MAPRE3: variants seen among roughly 807,000 people sequenced by gnomAD.
MAPRE3 encodes the protein microtubule-associated protein RP/EB family member 3.
A neutral mutation model predicts 30.5 loss-of-function variants in MAPRE3; 2 were observed. The ratio of observed to expected loss-of-function variants is 0.07; its 90% CI spans 0.03 to 0.21. The LOEUF is 0.21. Among genes scored for constraint, MAPRE3 ranks in the 10% least tolerant of loss-of-function variants. The probability of loss-of-function intolerance (pLI) is 1.00; values close to 1 mark genes in which losing one functional copy is unlikely to be tolerated. For synonymous variants in MAPRE3, 110 were observed against 127.7 expected (o/e 0.86, Z 0.93); for missense variants, 204 against 351.8 (o/e 0.58, Z 3.36).
chr2:26,977,113 A>G (rs1479501500), intron 1 of MAPRE3, among the ~76,000 whole-genome samples: 1 of 152,186 alleles, frequency 6.6e-6, no homozygotes, highest in South Asian at 2.1e-4. Context: ...CCAAGGAAAA[A>G]ACCATATTTA....
intron 3 of MAPRE3, 120 bp downstream of exon 3, chr2:27,023,597 C>T: frequency 8.4e-7 from 1 of 1,187,142 alleles, no homozygotes; most frequent in Non-Finnish European, 1.2e-6. Flanking sequence ...CTCCCTCCAC[C>T]TCCCGACTCT....
chr2:27,018,351 C>A (rs939982806), intron 1 of MAPRE3, among the ~76,000 whole-genome samples: 8 of 152,272 alleles, frequency 5.3e-5, no homozygotes, highest in South Asian at 2.1e-4. Context: ...ATAGCTGGTG[C>A]CCTCTGCACC....
At chr2:26,987,990 A>G (rs1666256307) in intron 1 of MAPRE3, among the ~76,000 whole-genome samples, 3 of 152,256 alleles carry the variant, frequency 2.0e-5, no homozygotes, top group African/African-American at 7.2e-5. Context: ...TTTGTTGAAT[A>G]CTTGCTCTAG....
At chr2:27,003,274 T>C (rs1195490204) in intron 1 of MAPRE3, among the ~76,000 whole-genome samples, 1 of 152,048 alleles carries the variant, frequency 6.6e-6, no homozygotes, top group African/African-American at 2.4e-5. Context: ...TGTAGGCAGA[T>C]AGTCACGAGT....
At position 27,027,055 on chromosome 2, in the gene MAPRE3, C is replaced by T. The variant is rs1467764655; in HGVS notation, c.*707C>T. On this transcript the variant is annotated 3_prime_UTR_variant, in exon 7 of 7. Coordinates refer to ENST00000233121, the MANE Select transcript of MAPRE3 (RefSeq NM_012326.4). ...CCCTGAGGCCCCCAGCCACTCCCTC[C>T]AGCAGCCTGGTTCACCACACAAACT... 4 of 152,432 alleles carry T rather than the reference C, an allele frequency of 2.6e-5. No individual in the cohort carries two copies. Among genetic ancestry groups the T allele is most frequent in the Admixed American group, 2.0e-4 (3 of 15,284 alleles). 9.4% of individuals were successfully genotyped at this position (152,432 alleles called of 1,614,324 possible). A position where few individuals can be genotyped will look rare whatever the true frequency, so the allele number is the denominator to read the frequency against.
chr2:27,003,244 G>A (rs913737914), intron 1 of MAPRE3, among the ~76,000 whole-genome samples: 2 of 152,090 alleles, frequency 1.3e-5, no homozygotes, highest in African/African-American at 4.8e-5. Context: ...TGCACACAGT[G>A]GTGTTTCAAT....
At chr2:27,000,559 T>G (rs1666572170) in intron 1 of MAPRE3, among the ~76,000 whole-genome samples, 1 of 152,246 alleles carries the variant, frequency 6.6e-6, no homozygotes. Flanking sequence ...TTTTTACACC[T>G]AATAATGTAT....
At chr2:26,978,844 G>C (rs966472962) in intron 1 of MAPRE3, among the ~76,000 whole-genome samples, 1 of 152,242 alleles carries the variant, frequency 6.6e-6, no homozygotes, top group Non-Finnish European at 1.5e-5. Context: ...TGAGGAGGCT[G>C]TAATGTGTGT....
In MAPRE3 at chr2:27,023,658, C is replaced by T. The variant is rs968522561; in HGVS notation, c.267+181C>T. ...AGGCACAATGGAAAAGCCCACAACA[C>T]TTGCCATGCCATCATGACAACATTC... is the stretch of plus-strand genomic sequence containing the variant. On this transcript the variant is annotated intron_variant, in intron 3 of 6. Coordinates refer to ENST00000233121, the MANE Select transcript of MAPRE3 (RefSeq NM_012326.4). The T allele has an allele frequency of 7.5e-6, 5 of 662,622 alleles. No homozygotes were observed. The East Asian group carries it at 8.4e-5, about 11-fold the overall frequency. The allele number at this position is 662,622 out of a possible 1,614,324, so 41.0% of individuals were successfully genotyped here. A position where few individuals can be genotyped will look rare whatever the true frequency, so the allele number is the denominator to read the frequency against.
intron 1 of MAPRE3, among the ~76,000 whole-genome samples, chr2:26,977,601 A>G (rs1210570246): frequency 1.3e-5 from 2 of 152,180 alleles, no homozygotes; most frequent in Non-Finnish European, 2.9e-5. Context: ...CCGTTCAGCC[A>G]TGAGCTCAGA....
intron 1 of MAPRE3, among the ~76,000 whole-genome samples, chr2:26,982,833 C>T (rs1255782816): frequency 6.6e-6 from 1 of 152,212 alleles, no homozygotes; most frequent in Non-Finnish European, 1.5e-5. Flanking sequence ...ATATTTGTTG[C>T]TGTCCATCCT....
intron 1 of MAPRE3, among the ~76,000 whole-genome samples, chr2:27,018,564 A>G (rs1428199305): frequency 1.3e-5 from 2 of 152,096 alleles, no homozygotes; most frequent in East Asian, 1.9e-4. Flanking sequence ...AAGATTATGA[A>G]CTCCTTGAGG....
intron 1 of MAPRE3, among the ~76,000 whole-genome samples, chr2:26,976,545 G>T (rs1443996082): frequency 6.6e-6 from 1 of 152,344 alleles, no homozygotes; most frequent in East Asian, 1.9e-4. Context: ...CATAAGCCTA[G>T]ATCTTGCACT....
intron 1 of MAPRE3, among the ~76,000 whole-genome samples, chr2:26,998,166 A>G (rs1176948555): frequency 6.6e-6 from 1 of 152,210 alleles, no homozygotes; most frequent in Non-Finnish European, 1.5e-5. Context: ...GTCACAGAAA[A>G]TAAGTGTAAT....
rs1200026055 is a variant in MAPRE3, at chr2:26,982,759, C to CA, written c.-8+11958dup. On this transcript the variant is annotated intron_variant, in intron 1 of 6. Coordinates refer to ENST00000233121, the MANE Select transcript of MAPRE3 (RefSeq NM_012326.4). ...ATAACTAGCTTCATGAGGCAGGGAC[C>CA]ATGTGAGACCTAGCAGTATCTGGGG... Among the ~76,000 whole-genome samples the CA allele has an allele frequency of 2.6e-5, 4 of 152,262 alleles. No individual in the cohort carries two copies. In the South Asian group the frequency reaches 8.3e-4, roughly 32 times the overall value.
Position 27,006,865 on chromosome 2 carries a change from TA to T in MAPRE3, c.-7-15345del, listed in dbSNP as rs962560883. On this transcript the variant is annotated intron_variant, in intron 1 of 6. Transcript: ENST00000233121. ...AAAGAACAATACATTTGTAGAGAAA[TA>T]ACAGGACAGAAGAAAGCAATTTTAG... is the stretch of plus-strand genomic sequence containing the variant. Among the ~76,000 whole-genome samples, 10 of 152,068 alleles carry T rather than the reference TA, an allele frequency of 6.6e-5. 1 individual carries two copies. Among genetic ancestry groups the T allele is most frequent in the African/African-American group, 1.9e-4 (8 of 41,402 alleles).
intron 1 of MAPRE3, among the ~76,000 whole-genome samples, chr2:26,981,544 A>G (rs897985812): frequency 2.0e-5 from 3 of 152,206 alleles, no homozygotes; most frequent in Non-Finnish European, 2.9e-5. Context: ...TCATCTTTGT[A>G]TAATGTTTAC....
chr2:27,022,177 C>A, intron 1 of MAPRE3, 35 bp from the exon 2 acceptor site: 1 of 1,607,654 alleles, frequency 6.2e-7, no homozygotes, highest in Non-Finnish European at 8.5e-7. Context: ...ACATGAGGCC[C>A]CAGTGCTGAC....
chr2:26,996,240 T>C (rs1222873830), intron 1 of MAPRE3, among the ~76,000 whole-genome samples: 2 of 151,702 alleles, frequency 1.3e-5, no homozygotes, highest in African/African-American at 4.8e-5. Flanking sequence ...GCAGCCTGGA[T>C]CTCCCGGGCT....
Sources: gnomAD v4.1 joint callset for allele counts (sites outside exome capture counted in the v4.1 genomes callset) on GRCh38, gnomAD v4.1.1 for gene constraint, MANE v1.5 for transcripts, NCBI Gene and HGNC (gene_info 2026-07-23, HGNC 2026-07-21) for gene names.